GPR20: variants seen among roughly 807,000 people sequenced by gnomAD.
GPR20 encodes the protein G protein-coupled receptor 20.
For missense variants in GPR20, 494 were observed against 527.4 expected (o/e 0.94, Z 0.62); for synonymous variants, 241 against 241.9 (o/e 1.00, Z 0.04).
rs369336189 is a variant in GPR20 at position 141,359,413 on chromosome 8, G to C, written c.-24-1466C>G. 1.3e-3 allele frequency among the ~76,000 whole-genome samples: 192 copies of C among 152,308 alleles called. 2 individuals are homozygous for C. The highest frequency in any genetic ancestry group is 4.5e-3 in the African/African-American group (186 of 41,568). ...GTCAGAGAGGTCAGTGCCTGCATGA[G>C]GTCACCCAGCATGCCCTCTGCCTCT... On this transcript the variant is annotated intron_variant, in intron 1 of 1. Coordinates refer to ENST00000377741, the MANE Select transcript of GPR20 (RefSeq NM_005293.3).
At position 141,363,580 on chromosome 8, in the gene GPR20, T is replaced by G. The variant is rs1000272094; in HGVS notation, c.-25+3621A>C. Among the ~76,000 whole-genome samples the G allele has an allele frequency of 2.6e-5, 4 of 152,346 alleles. No individual in the cohort carries two copies. In the South Asian group the frequency reaches 8.3e-4, roughly 32 times the overall value. On this transcript the variant is annotated intron_variant, in intron 1 of 1. Transcript: ENST00000377741. ...TGCCCTCACCCACAGCTTGTTGAATTTCTGCTGGGCACCCGGCCATGGAAG... is the reference window on the plus strand; with the variant it reads ...TGCCCTCACCCACAGCTTGTTGAATGTCTGCTGGGCACCCGGCCATGGAAG...
At chr8:141,360,611 T>A (rs1033665371) in intron 1 of GPR20, among the ~76,000 whole-genome samples, 1 of 152,214 alleles carries the variant, frequency 6.6e-6, no homozygotes, top group African/African-American at 2.4e-5. Flanking sequence ...GGAGGAGGAA[T>A]GCAAGCGGGG....
At chr8:141,365,013 C>T (rs1009234779) in intron 1 of GPR20, among the ~76,000 whole-genome samples, 10 of 152,326 alleles carry the variant, frequency 6.6e-5, no homozygotes, top group South Asian at 2.1e-4. Flanking sequence ...CTGGTCCTTC[C>T]GCCTGAAGCT....
Position 141,357,711 on chromosome 8 carries a change from G to GTTGAGCGCCAGCCCT in GPR20, c.212_213insAGGGCTGGCGCTCAA (p.Leu70_Asn71insLysGlyLeuAlaLeu). 6.2e-7 allele frequency: 1 copy of GTTGAGCGCCAGCCCT among 1,613,452 alleles called. No individual in the cohort carries two copies. The highest frequency in any genetic ancestry group is 1.1e-5 in the South Asian group (1 of 91,080). On this transcript the variant is annotated inframe_insertion, in exon 2 of 2. Transcript: ENST00000377741. ...AGCAGAAGACGTACAGCGCCAGCCC[G>GTTGAGCGCCAGCCCT]TTGAGCACCAGCCCTGCCAGGAAGA... is the stretch of plus-strand genomic sequence containing the variant.
rs539372080 is a variant in GPR20 at position 141,362,647 on chromosome 8, G to A, written c.-25+4554C>T. Among the ~76,000 whole-genome samples the A allele has an allele frequency of 4.0e-5, 6 of 151,832 alleles. No homozygotes were observed. The South Asian group carries it at 1.0e-3, about 26-fold the overall frequency. On this transcript the variant is annotated intron_variant, in intron 1 of 1. Coordinates refer to ENST00000377741, the MANE Select transcript of GPR20 (RefSeq NM_005293.3). ...ATTGGCTTCCACCCCCAGCCCCATC[G>A]TCACTACCCATGAGTCCTCCCAGCC...
intron 1 of GPR20, 109 bp from the exon 2 acceptor site, chr8:141,358,056 T>A (rs7388122): frequency 0.77 from 471,611 of 610,434 alleles, 183,898 homozygotes; most frequent in African/African-American, 0.85. Context: ...AGCATCCCCC[T>A]TCTCCATGCC....
chr8:141,357,511 A>T lies in GPR20; in HGVS notation c.413T>A (p.Ile138Asn), dbSNP rs749205175. 24 of 1,613,402 alleles carry T rather than the reference A, an allele frequency of 1.5e-5. No individual in the cohort carries two copies. The highest frequency in any genetic ancestry group is 1.1e-5 in the Non-Finnish European group (13 of 1,179,996). The stretch of plus-strand genomic sequence containing the variant: ...CACGCAGATGCAGGTGAGGAAGAGG[A>T]TGGAGCAGTGCATGTTGAGGAAGTA... ...LGYFLNMHCSILFLTCICVDR... is the reference protein window; with the variant it reads ...LGYFLNMHCSNLFLTCICVDR... Residue 138 changes from isoleucine (I) to asparagine (N), a missense_variant, in exon 2 of 2, where the codon ATC becomes AAC. Ile to Asn is a moderately radical substitution (Grantham distance 149, BLOSUM62 -3). Transcript: ENST00000377741.
At chr8:141,365,095 C>T (rs1016237967) in intron 1 of GPR20, among the ~76,000 whole-genome samples, 10 of 152,230 alleles carry the variant, frequency 6.6e-5, no homozygotes, top group Admixed American at 1.3e-4. Context: ...TGTTTCTCTC[C>T]CTGTGCCACC....
At chr8:141,359,528 C>T (rs969057480) in intron 1 of GPR20, among the ~76,000 whole-genome samples, 4 of 152,230 alleles carry the variant, frequency 2.6e-5, no homozygotes, top group African/African-American at 9.6e-5. Flanking sequence ...TCCTGCCACC[C>T]CCACCACACA....
At chr8:141,365,858 G>A (rs765094564) in intron 1 of GPR20, among the ~76,000 whole-genome samples, 3 of 152,132 alleles carry the variant, frequency 2.0e-5, no homozygotes, top group Non-Finnish European at 4.4e-5. Flanking sequence ...CGCCTGCACC[G>A]CCTGGCTTCC....
intron 1 of GPR20, among the ~76,000 whole-genome samples, chr8:141,359,572 T>C (rs575320049): frequency 6.3e-4 from 96 of 152,326 alleles, no homozygotes; most frequent in Non-Finnish European, 1.0e-3. Flanking sequence ...TCCCCCCGAC[T>C]GCAAGCAAGC....
intron 1 of GPR20, among the ~76,000 whole-genome samples, chr8:141,358,937 C>T (rs999488243): frequency 5.3e-5 from 8 of 152,046 alleles, no homozygotes; most frequent in Non-Finnish European, 1.0e-4. Context: ...GGGGCTGTGC[C>T]GGAGCCACCC....
At chr8:141,360,530 C>T (rs7828877) in intron 1 of GPR20, among the ~76,000 whole-genome samples, 29,442 of 152,194 alleles carry the variant, frequency 0.19, 4,056 homozygotes, top group East Asian at 0.43. Flanking sequence ...CCTCCCACAG[C>T]GACGGATGTC....
intron 1 of GPR20, among the ~76,000 whole-genome samples, chr8:141,361,010 G>T (rs575834148): frequency 2.0e-5 from 3 of 152,236 alleles, no homozygotes; most frequent in African/African-American, 4.8e-5. Context: ...ACCTGGGTGT[G>T]GGGGAGATGG....
At chr8:141,364,483 G>C (rs1461003861) in intron 1 of GPR20, among the ~76,000 whole-genome samples, 1 of 152,110 alleles carries the variant, frequency 6.6e-6, no homozygotes, top group Non-Finnish European at 1.5e-5. Flanking sequence ...CACCTAGCAA[G>C]TCCCAGGTGA....
At chr8:141,361,137 C>T (rs576973345) in intron 1 of GPR20, among the ~76,000 whole-genome samples, 8 of 152,348 alleles carry the variant, frequency 5.3e-5, no homozygotes, top group Non-Finnish European at 1.0e-4. Context: ...GTGTCCTGAT[C>T]GTGCTGACAT....
intron 1 of GPR20, among the ~76,000 whole-genome samples, chr8:141,366,095 A>G (rs1831809612): frequency 6.6e-6 from 1 of 152,234 alleles, no homozygotes; most frequent in Admixed American, 6.5e-5. Context: ...CTTAACAAGA[A>G]GACAATGAAG....
chr8:141,359,907 T>C (rs531601578), intron 1 of GPR20, among the ~76,000 whole-genome samples: 3 of 152,374 alleles, frequency 2.0e-5, no homozygotes, highest in Non-Finnish European at 2.9e-5. Flanking sequence ...TTCCTTTCTA[T>C]GTGCCTTTTG....
chr8:141,357,409 G>T lies in GPR20; in HGVS notation c.515C>A (p.Ala172Asp). The change falls in exon 2 of 2, where the codon GCC (alanine) becomes GAC (aspartate). Residue 172 changes from alanine to aspartate, a missense_variant. By Grantham distance (126) the Ala-to-Asp change is moderately radical. Transcript: ENST00000377741. ...GGCACCGGCGGCCAGCCACACGAAG[G>T]CGCACACGGCCCTGGCACAGGCAGG... is the stretch of plus-strand genomic sequence containing the variant. ...RQPACARAVC[A>D]FVWLAAGAVT... 6.2e-7 allele frequency: 1 copy of T among 1,600,432 alleles called. No homozygotes were observed. Among genetic ancestry groups the T allele is most frequent in the East Asian group, 2.3e-5 (1 of 44,246 alleles).
Sources: allele counts gnomAD v4.1 joint callset (sites outside exome capture counted in the v4.1 genomes callset), GRCh38; gene constraint gnomAD v4.1.1; transcripts MANE v1.5; gene names NCBI Gene and HGNC (gene_info 2026-07-23, HGNC 2026-07-21).